LHX4: variants seen among roughly 807,000 people sequenced by gnomAD.
LHX4 encodes the protein LIM homeobox 4.
Under a neutral mutation model 39.2 loss-of-function variants are expected in LHX4, and 16 were observed. That is an observed-to-expected ratio of 0.41 (90% CI 0.28 to 0.62). The LOEUF is 0.62. Among genes scored for constraint, LHX4 ranks in the 20% least tolerant of loss-of-function variants. The pLI is 0.33. For synonymous variants in LHX4, 206 were observed against 198.1 expected (o/e 1.04, Z -0.33); for missense variants, 439 against 511.9 (o/e 0.86, Z 1.37).
Position 180,234,169 on chromosome 1 carries a change from TTATATATATATATATATATA to T in LHX4, c.76+3597_76+3616del, listed in dbSNP as rs777438399. Among the ~76,000 whole-genome samples the T allele has an allele frequency of 0.053, 2,861 of 53,534 alleles. 136 individuals are homozygous for T. The highest frequency in any genetic ancestry group is 0.061 in the Non-Finnish European group (1,723 of 28,430). The allele number at this position is 53,534 out of a possible 152,430, so 35.1% of individuals were successfully genotyped here. On this transcript the variant is annotated intron_variant, in intron 1 of 5. Coordinates refer to ENST00000263726, the MANE Select transcript of LHX4 (RefSeq NM_033343.4). This position sits in a 1 kb window ranked among gnomAD's most constrained non-coding sequence, Gnocchi z 4.8. The stretch of plus-strand genomic sequence containing the variant: ...AACAGACACACACAACACACACAAA[TTATATATATATATATATATA>T]TATATATATATATATATATATATAT...
chr1:180,252,930 T>C (rs765772511), intron 2 of LHX4, among the ~76,000 whole-genome samples: 3 of 152,194 alleles, frequency 2.0e-5, no homozygotes, highest in African/African-American at 4.8e-5. Context: ...TCAGTAACAC[T>C]GACTGATTTT....
chr1:180,252,003 C>T lies in LHX4; in HGVS notation c.248+3547C>T, dbSNP rs1647648281. ...ATAGCCCTCACCAAGCTCTTGGGGA[C>T]CAGGGCTGTTTGGTACAGGAAGGCA... On this transcript the variant is annotated intron_variant, in intron 2 of 5. Transcript: ENST00000263726. 2.0e-5 allele frequency among the ~76,000 whole-genome samples: 3 copies of T among 152,152 alleles called. No homozygotes were observed. The South Asian group carries it at 6.2e-4, about 32-fold the overall frequency.
chr1:180,240,183 A>C (rs998166682), intron 1 of LHX4, among the ~76,000 whole-genome samples: 1 of 152,226 alleles, frequency 6.6e-6, no homozygotes, highest in Admixed American at 6.5e-5. Flanking sequence ...AGCATCGTTA[A>C]ATAAACATTA....
rs1423627272 is a variant in LHX4, at chr1:180,271,089, T to C, written c.452-291T>C. On this transcript the variant is annotated intron_variant, in intron 3 of 5. Transcript: ENST00000263726. ...ACAGGGACGTGTGGAATTGGGTACA[T>C]TCAATCTGATGAGACTTCTGTGCAG... 2.3e-5 allele frequency: 11 copies of C among 486,168 alleles called. No individual in the cohort carries two copies. The Admixed American group carries it at 3.0e-4, about 13-fold the overall frequency. The allele number at this position is 486,168 out of a possible 1,614,324, so 30.1% of individuals were successfully genotyped here. A position where few individuals can be genotyped will look rare whatever the true frequency, so the allele number is the denominator to read the frequency against.
chr1:180,272,113 C>G (rs1648708344), intron 5 of LHX4, 107 bp downstream of exon 5: 1 of 987,440 alleles, frequency 1.0e-6, no homozygotes, highest in Admixed American at 2.8e-5. Context: ...GCAACTCCCT[C>G]CTGAACACAG....
chr1:180,248,262 C>A, intron 1 of LHX4, 23 bp from the exon 2 acceptor site: 1 of 1,612,506 alleles, frequency 6.2e-7, no homozygotes, highest in Non-Finnish European at 8.5e-7. Context: ...GCTCACAGTG[C>A]CTCTCTCTCC....
At chr1:180,238,601 T>G (rs1224988998) in intron 1 of LHX4, among the ~76,000 whole-genome samples, 37 of 152,224 alleles carry the variant, frequency 2.4e-4, no homozygotes, top group Admixed American at 2.4e-3. Context: ...TGATGTTCAA[T>G]GTGCCTTTTC....
At chr1:180,248,757 T>A in intron 2 of LHX4, 1 of 443,106 alleles carries the variant, frequency 2.3e-6, no homozygotes, top group East Asian at 4.7e-5. Context: ...AAATCTCCTC[T>A]GTTGCTCCAA....
At chr1:180,273,537 G>T (rs2149268073) in intron 5 of LHX4, 1 of 152,656 alleles carries the variant, frequency 6.6e-6, no homozygotes, top group Middle Eastern at 3.4e-3. Flanking sequence ...ATTCTTTCAA[G>T]TGGCAAAGAT....
rs370108347 is a variant in LHX4 at position 180,230,552 on chromosome 1, C to T, written c.23C>T (p.Pro8Leu). ...GAGATGATGCAGAGTGCGACTGTCCCCGCGGAAGGGGCTGTCAAGGGGCTC... is the reference window on the plus strand; with the variant it reads ...GAGATGATGCAGAGTGCGACTGTCCTCGCGGAAGGGGCTGTCAAGGGGCTC... MMQSATV[P>L]AEGAVKGLPE... Residue 8 changes from proline (P) to leucine (L), a missense_variant, in exon 1 of 6, where the codon CCC becomes CTC. Physicochemically the swap from Pro to Leu is moderately conservative, Grantham distance 98. Coordinates refer to ENST00000263726, the MANE Select transcript of LHX4 (RefSeq NM_033343.4). This position sits in a 1 kb window ranked among gnomAD's most constrained non-coding sequence, Gnocchi z 5.8. 6.2e-7 allele frequency: 1 copy of T among 1,613,966 alleles called. No individual in the cohort carries two copies. Among genetic ancestry groups the T allele is most frequent in the Non-Finnish European group, 8.5e-7 (1 of 1,180,004 alleles).
intron 3 of LHX4, among the ~76,000 whole-genome samples, chr1:180,269,017 A>G (rs1444283587): frequency 6.6e-6 from 1 of 152,072 alleles, no homozygotes; most frequent in Non-Finnish European, 1.5e-5. Flanking sequence ...CTCCCTGGAT[A>G]TTTGCATTTT....
rs77629771 is a variant in LHX4, at chr1:180,235,331, A to G, written c.76+4726A>G. On this transcript the variant is annotated intron_variant, in intron 1 of 5. Coordinates refer to ENST00000263726, the MANE Select transcript of LHX4 (RefSeq NM_033343.4). ...CTGGGACCCCTTTGCTGCCCTTTAG[A>G]GTGGTGGCAGGGACTTTTCCAGCAA... 3.7e-3 allele frequency among the ~76,000 whole-genome samples: 570 copies of G among 152,300 alleles called. 21 individuals carry two copies. The East Asian group carries it at 0.09, about 24-fold the overall frequency.
intron 2 of LHX4, among the ~76,000 whole-genome samples, chr1:180,250,107 A>G (rs7538567): frequency 0.065 from 9,957 of 152,050 alleles, 484 homozygotes; most frequent in South Asian, 0.21. Context: ...CTTTTTGTGT[A>G]CTGCTCTTCT....
Position 180,274,602 on chromosome 1 carries a change from C to T in LHX4, c.*23C>T, listed in dbSNP as rs758429350. 1 of 1,540,074 alleles carries T rather than the reference C, an allele frequency of 6.5e-7. No homozygotes were observed. The highest frequency in any genetic ancestry group is 2.3e-5 in the East Asian group (1 of 44,192). On this transcript the variant is annotated 3_prime_UTR_variant, in exon 6 of 6. Coordinates refer to ENST00000263726, the MANE Select transcript of LHX4 (RefSeq NM_033343.4). Reference sequence around the variant, plus strand: ...TAAACTTCTCTCCTCCCCACCCTACCTGCCCCCCTGGCTTGAGAGAATATC... The same window carrying T: ...TAAACTTCTCTCCTCCCCACCCTACTTGCCCCCCTGGCTTGAGAGAATATC...
At chr1:180,244,523 C>T (rs1333437123) in intron 1 of LHX4, among the ~76,000 whole-genome samples, 2 of 152,178 alleles carry the variant, frequency 1.3e-5, no homozygotes, top group African/African-American at 4.8e-5. Flanking sequence ...CATACATTAG[C>T]CCTAATGTAT....
At chr1:180,256,007 C>T (rs1445959629) in intron 2 of LHX4, among the ~76,000 whole-genome samples, 1 of 152,250 alleles carries the variant, frequency 6.6e-6, no homozygotes. Flanking sequence ...GCCAGCGGCA[C>T]CTGCCTTCCC....
chr1:180,265,901 C>CCCT (rs755869698), intron 2 of LHX4, among the ~76,000 whole-genome samples: 9 of 152,156 alleles, frequency 5.9e-5, no homozygotes, highest in Non-Finnish European at 1.0e-4. Context: ...GCGTGCTGTC[C>CCCT]CCTGGCCAGG....
intron 3 of LHX4, among the ~76,000 whole-genome samples, chr1:180,269,450 A>T (rs1231307222): frequency 6.6e-6 from 1 of 152,238 alleles, no homozygotes; most frequent in Non-Finnish European, 1.5e-5. Context: ...TTATAATAAC[A>T]GTGAATGTTA....
At position 180,234,893 on chromosome 1, in the gene LHX4, G is replaced by T. The variant is rs535987698; in HGVS notation, c.76+4288G>T. ...ATGACCTCGCTACGACCGGGGCAGG[G>T]CTCCTCCGCCCCGCGGGCAGATGCC... is the stretch of plus-strand genomic sequence containing the variant. On this transcript the variant is annotated intron_variant, in intron 1 of 5. Transcript: ENST00000263726. The surrounding 1 kb of genome is among the most constrained non-coding windows in gnomAD (Gnocchi z 4.8). Among the ~76,000 whole-genome samples the T allele has an allele frequency of 3.9e-5, 6 of 152,346 alleles. No homozygotes were observed. In the East Asian group the frequency reaches 9.7e-4, roughly 25 times the overall value.
Sources: gnomAD v4.1 joint callset for allele counts (sites outside exome capture counted in the v4.1 genomes callset) on GRCh38, gnomAD v4.1.1 for gene constraint, Gnocchi (gnomAD v3.1) non-coding constraint, MANE v1.5 for transcripts, NCBI Gene and HGNC (gene_info 2026-07-23, HGNC 2026-07-21) for gene names.